The following KPNA5 variants were observed in gnomAD, a reference collection of about 807,000 sequenced individuals.
KPNA5 encodes the protein importin subunit alpha-6.
KPNA5 carries 46 observed loss-of-function variants against 71.3 expected under a neutral mutation model. The ratio of observed to expected loss-of-function variants is 0.65; its 90% CI spans 0.51 to 0.83. The LOEUF (loss-of-function observed/expected upper bound fraction) is 0.83. Among genes scored for constraint, KPNA5 ranks in the 40% least tolerant of loss-of-function variants. The probability of loss-of-function intolerance (pLI) is 0.00; values close to 1 mark genes in which losing one functional copy is unlikely to be tolerated. For synonymous variants in KPNA5, 207 were observed against 201.4 expected (o/e 1.03, Z -0.24); for missense variants, 547 against 628.3 (o/e 0.87, Z 1.38).
At chr6:116,711,227 C>G (rs917825399) in intron 7 of KPNA5, among the ~76,000 whole-genome samples, 20 of 149,598 alleles carry the variant, frequency 1.3e-4, no homozygotes, top group African/African-American at 4.7e-4. Flanking sequence ...TTCCTTTTGT[C>G]CATCTAGATA....
At chr6:116,716,082 G>A (rs1461515530) in intron 7 of KPNA5, 137 bp from the exon 8 acceptor site, 3 of 638,778 alleles carry the variant, frequency 4.7e-6, no homozygotes, top group Non-Finnish European at 5.4e-6. Context: ...AAAACATAAT[G>A]AATTTTAGAT....
chr6:116,729,774 T>G, intron 13 of KPNA5, 33 bp downstream of exon 13: 1 of 1,320,160 alleles, frequency 7.6e-7, no homozygotes, highest in African/African-American at 1.5e-5. Context: ...GCAATTATAG[T>G]CAGTTCTTAT....
At chr6:116,707,689 TA>T (rs1778500870) in intron 7 of KPNA5, among the ~76,000 whole-genome samples, 1 of 152,268 alleles carries the variant, frequency 6.6e-6, no homozygotes, top group South Asian at 2.1e-4. Context: ...ATTTTATTTC[TA>T]AATCTGTTGT....
intron 8 of KPNA5, among the ~76,000 whole-genome samples, chr6:116,720,532 T>A (rs1779063832): frequency 1.3e-5 from 2 of 152,256 alleles, no homozygotes; most frequent in Admixed American, 6.5e-5. Flanking sequence ...TTAATTTTTT[T>A]AAACATACTT....
chr6:116,714,629 TCC>T (rs1307539421), intron 7 of KPNA5, among the ~76,000 whole-genome samples: 1 of 152,182 alleles, frequency 6.6e-6, no homozygotes, highest in Admixed American at 6.5e-5. Flanking sequence ...AGTATCTTAC[TCC>T]CCACCTTTCC....
intron 13 of KPNA5, among the ~76,000 whole-genome samples, chr6:116,731,822 C>G (rs1779493464): frequency 6.6e-6 from 1 of 151,614 alleles, no homozygotes; most frequent in Non-Finnish European, 1.5e-5. Context: ...AGTTGAGAAA[C>G]AGAAGAACTA....
rs1779508526 is a variant in KPNA5, at chr6:116,732,077, TATA to T, written c.1433-58_1433-56del. 4.4e-3 allele frequency: 643 copies of T among 144,726 alleles called. 48 individuals are homozygous for T. The highest frequency in any genetic ancestry group is 0.01 in the African/African-American group (249 of 24,152). The allele number at this position is 144,726 out of a possible 1,614,324, so 9.0% of individuals were successfully genotyped here. On this transcript the variant is annotated intron_variant, in intron 13 of 13. Coordinates refer to ENST00000368564, the MANE Select transcript of KPNA5 (RefSeq NM_001366306.2). ...TGAAATTGTAGTAACAGTTTGTTTA[TATA>T]TATATATATATATATATATATATAT...
At chr6:116,705,793 A>G (rs1346737022) in intron 7 of KPNA5, among the ~76,000 whole-genome samples, 1 of 152,180 alleles carries the variant, frequency 6.6e-6, no homozygotes, top group Non-Finnish European at 1.5e-5. Context: ...GATGGCTAGA[A>G]GTAAATATTT....
Position 116,737,181 on chromosome 6 carries a change from C to T in KPNA5, c.*4858C>T, listed in dbSNP as rs1779702179. 6.6e-6 allele frequency: 1 copy of T among 151,956 alleles called. No individual in the cohort carries two copies. 9.4% of individuals were successfully genotyped at this position (151,956 alleles called of 1,614,324 possible). ...GCTTTTAAACTTTGTAAGGCAGGCA[C>T]AGAACAACGTTTATTTTACTGCTGA... On this transcript the variant is annotated 3_prime_UTR_variant, in exon 14 of 14. Coordinates refer to ENST00000368564, the MANE Select transcript of KPNA5 (RefSeq NM_001366306.2).
intron 1 of KPNA5, among the ~76,000 whole-genome samples, chr6:116,688,308 CCTT>C (rs1057514685): frequency 7.2e-5 from 11 of 152,116 alleles, no homozygotes; most frequent in African/African-American, 2.7e-4. Context: ...GCCAGCCTCT[CCTT>C]CTCTTGTGTT....
intron 6 of KPNA5, 136 bp from the exon 7 acceptor site, chr6:116,704,934 TAA>T: frequency 1.7e-6 from 1 of 602,626 alleles, no homozygotes; most frequent in Non-Finnish European, 2.8e-6. Context: ...AATTGAATTT[TAA>T]AAGTTTTTCT....
At position 116,705,090 on chromosome 6, in the gene KPNA5, A is replaced by G. The variant is rs1778389723; in HGVS notation, c.586A>G (p.Asn196Asp). Residue 196 changes from asparagine to aspartate, a missense_variant, in exon 7 of 14, where the codon AAT (asparagine) becomes GAT (aspartate). Physicochemically the swap from Asn to Asp is conservative, Grantham distance 23 (BLOSUM62 1). Transcript: ENST00000368564. ...VQEQAVWALG[N>D]IAGDNAECRD... ...TCCTAAGGCTGTTTGGGCACTTGGT[A>G]ATATTGCTGGTGACAATGCAGAATG... is the stretch of plus-strand genomic sequence containing the variant. 6.2e-7 allele frequency: 1 copy of G among 1,612,022 alleles called. No individual in the cohort carries two copies. The highest frequency in any genetic ancestry group is 1.3e-5 in the African/African-American group (1 of 74,952).
In KPNA5 at chr6:116,733,703, AC is replaced by A. The variant is rs1320071728; in HGVS notation, c.*1382del. The A allele has an allele frequency of 6.6e-5, 10 of 151,614 alleles. No homozygotes were observed. The highest frequency in any genetic ancestry group is 4.6e-4 in the Admixed American group (7 of 15,160). The allele number at this position is 151,614 out of a possible 1,614,324, so 9.4% of individuals were successfully genotyped here. ...AGGCTATTTATGTGTCCAATTGTAT[AC>A]CTAGAATACTTACTTAAAACTTAGT... On this transcript the variant is annotated 3_prime_UTR_variant, in exon 14 of 14. Transcript: ENST00000368564.
At position 116,736,692 on chromosome 6, in the gene KPNA5, C is replaced by G. The variant is rs1779681525; in HGVS notation, c.*4369C>G. On this transcript the variant is annotated 3_prime_UTR_variant, in exon 14 of 14. Coordinates refer to ENST00000368564, the MANE Select transcript of KPNA5 (RefSeq NM_001366306.2). Reference sequence around the variant, plus strand: ...CAATTATTTAAACATTTTTTCATTTCCAATTCCGCTTATATTAGTCTGCCT... The same window carrying G: ...CAATTATTTAAACATTTTTTCATTTGCAATTCCGCTTATATTAGTCTGCCT... 6.6e-6 allele frequency: 1 copy of G among 151,900 alleles called. No individual in the cohort carries two copies. Among genetic ancestry groups the G allele is most frequent in the Admixed American group, 6.6e-5 (1 of 15,200 alleles). 9.4% of individuals were successfully genotyped at this position (151,900 alleles called of 1,614,324 possible). A position where few individuals can be genotyped will look rare whatever the true frequency, so the allele number is the denominator to read the frequency against.
chr6:116,696,882 A>G (rs1030840679), intron 4 of KPNA5, among the ~76,000 whole-genome samples: 6 of 152,088 alleles, frequency 3.9e-5, no homozygotes, highest in African/African-American at 1.4e-4. Flanking sequence ...AGATGAAGAT[A>G]AATATAAATG....
intron 10 of KPNA5, among the ~76,000 whole-genome samples, chr6:116,725,321 T>A (rs1212015099): frequency 6.6e-6 from 1 of 152,166 alleles, no homozygotes; most frequent in Non-Finnish European, 1.5e-5. Context: ...ATAGTAAAAA[T>A]TTTTATGAAG....
intron 13 of KPNA5, 42 bp from the exon 14 acceptor site, chr6:116,732,077 TATATATATATATATATA>T (rs1562458654): frequency 0.061 from 8,773 of 144,348 alleles, 1,095 homozygotes; most frequent in East Asian, 0.1. Flanking sequence ...AGTTTGTTTA[TATATATATATATATATA>T]TATATATATA....
intron 4 of KPNA5, 44 bp from the exon 5 acceptor site, chr6:116,698,660 C>T: frequency 8.5e-7 from 1 of 1,174,982 alleles, no homozygotes; most frequent in Non-Finnish European, 1.2e-6. Context: ...AGATTGTTTT[C>T]TTTTTGTGTC....
chr6:116,719,645 G>A (rs983722050), intron 8 of KPNA5, among the ~76,000 whole-genome samples: 2 of 152,108 alleles, frequency 1.3e-5, no homozygotes, highest in East Asian at 3.9e-4. Flanking sequence ...CCAGGGGTTC[G>A]AGGCCAGCCT....
Sources: allele counts gnomAD v4.1 joint callset (sites outside exome capture counted in the v4.1 genomes callset), GRCh38; gene constraint gnomAD v4.1.1; transcripts MANE v1.5; gene names NCBI Gene and HGNC (gene_info 2026-07-23, HGNC 2026-07-21).